Variants in ZNF407 observed in about 807,000 individuals in gnomAD.
ZNF407 encodes zinc finger protein 407.
A neutral mutation model predicts 131.2 loss-of-function variants in ZNF407; 17 were observed. The ratio of observed to expected loss-of-function variants is 0.13; its 90% CI spans 0.09 to 0.19. The LOEUF (loss-of-function observed/expected upper bound fraction) is 0.19, where lower values mean the gene tolerates loss of function less well. ZNF407 is among the 10% of genes least tolerant of loss of function. The pLI is 1.00. For synonymous variants in ZNF407, 1,156 were observed against 1,062.0 expected (o/e 1.09, Z -1.72); for missense variants, 2,681 against 2,830.6 (o/e 0.95, Z 1.20).
chr18:74,814,791 G>A (rs766310643), intron 4 of ZNF407, among the ~76,000 whole-genome samples: 1 of 151,948 alleles, frequency 6.6e-6, no homozygotes, highest in East Asian at 1.9e-4. Flanking sequence ...TTATTCTTGT[G>A]TATTTGTTAG....
At chr18:74,698,768 T>G (rs1023188653) in intron 3 of ZNF407, among the ~76,000 whole-genome samples, 4 of 152,148 alleles carry the variant, frequency 2.6e-5, no homozygotes, top group African/African-American at 4.8e-5. Context: ...GCCCAAAGTT[T>G]CTTGAGGTCA....
chr18:74,834,989 G>A (rs927373678), intron 4 of ZNF407, among the ~76,000 whole-genome samples: 2 of 152,178 alleles, frequency 1.3e-5, no homozygotes, highest in African/African-American at 4.8e-5. Context: ...CAGAGTTGAG[G>A]ATGATAACCT....
At chr18:74,776,475 T>A (rs2145013740) in intron 3 of ZNF407, among the ~76,000 whole-genome samples, 1 of 152,308 alleles carries the variant, frequency 6.6e-6, no homozygotes, top group East Asian at 1.9e-4. Context: ...ACTATGCAGA[T>A]CTCCTATTTC....
At chr18:74,891,791 C>T (rs1037323259) in intron 7 of ZNF407, among the ~76,000 whole-genome samples, 6 of 152,128 alleles carry the variant, frequency 3.9e-5, no homozygotes, top group Admixed American at 1.3e-4. Context: ...TAGAAAATTA[C>T]AAGAATTTCC....
chr18:74,886,418 G>A lies in ZNF407; in HGVS notation c.5129-3500G>A, dbSNP rs202218814. 9.5e-3 allele frequency among the ~76,000 whole-genome samples: 48 copies of A among 5,060 alleles called. 1 individual carries two copies. Among genetic ancestry groups the A allele is most frequent in the Admixed American group, 0.018 (4 of 218 alleles). 3.3% of individuals were successfully genotyped at this position (5,060 alleles called of 152,430 possible). ...CTATCATACTCCAGGATTTACCCAAGGGATGTTCATATAATGACTGCATAT... is the reference window on the plus strand; with the variant it reads ...CTATCATACTCCAGGATTTACCCAAAGGATGTTCATATAATGACTGCATAT... On this transcript the variant is annotated intron_variant, in intron 6 of 8. Transcript: ENST00000299687.
At chr18:74,714,722 T>C (rs866616824) in intron 3 of ZNF407, among the ~76,000 whole-genome samples, 97 of 152,312 alleles carry the variant, frequency 6.4e-4, no homozygotes, top group African/African-American at 2.0e-3. Flanking sequence ...GGTTGAACAA[T>C]ATTCACCACC....
chr18:75,022,974 C>T (rs59888806), intron 8 of ZNF407, among the ~76,000 whole-genome samples: 22,985 of 152,168 alleles, frequency 0.15, 1,940 homozygotes, highest in Admixed American at 0.27. Context: ...ATGTGATGCA[C>T]GTACACCGTG....
chr18:74,989,900 T>C (rs1018399324), intron 8 of ZNF407, among the ~76,000 whole-genome samples: 7 of 152,162 alleles, frequency 4.6e-5, no homozygotes, highest in Non-Finnish European at 1.0e-4. Flanking sequence ...TTGATGCTTT[T>C]CTGTGATAAT....
intron 8 of ZNF407, among the ~76,000 whole-genome samples, chr18:75,028,090 G>T (rs566335585): frequency 6.6e-6 from 1 of 152,300 alleles, no homozygotes; most frequent in South Asian, 2.1e-4. Context: ...ATTCAAAACT[G>T]TGTTTTCTTT....
At chr18:74,906,428 T>C (rs1159341208) in intron 7 of ZNF407, among the ~76,000 whole-genome samples, 1 of 152,250 alleles carries the variant, frequency 6.6e-6, no homozygotes, top group African/African-American at 2.4e-5. Flanking sequence ...GCTGCTCTGC[T>C]GTGGTTTGTC....
chr18:74,753,292 T>C (rs968124813), intron 3 of ZNF407, among the ~76,000 whole-genome samples: 2 of 152,004 alleles, frequency 1.3e-5, no homozygotes, highest in Non-Finnish European at 2.9e-5. Flanking sequence ...TATACAATCA[T>C]GTCATCTGCA....
intron 8 of ZNF407, chr18:75,061,321 G>A (rs1306710417): frequency 6.6e-6 from 1 of 152,176 alleles, no homozygotes; most frequent in Non-Finnish European, 1.5e-5. Flanking sequence ...TATTTAGGAG[G>A]GATGGAGTCG....
chr18:74,794,413 A>AT (rs369175320), intron 4 of ZNF407, among the ~76,000 whole-genome samples: 1,491 of 146,810 alleles, frequency 0.01, 23 homozygotes, highest in African/African-American at 0.03. Flanking sequence ...GGGTCACATA[A>AT]TTTTTTTTTT....
chr18:75,015,122 A>C (rs1420143224), intron 8 of ZNF407, among the ~76,000 whole-genome samples: 1 of 152,120 alleles, frequency 6.6e-6, no homozygotes, highest in Non-Finnish European at 1.5e-5. Context: ...ATAGTGTGAA[A>C]GGGATATAAT....
In ZNF407 at chr18:74,811,762, A is replaced by G. The variant is rs1369641062; in HGVS notation, c.4877+30260A>G. On this transcript the variant is annotated intron_variant, in intron 4 of 8. Coordinates refer to ENST00000299687, the MANE Select transcript of ZNF407 (RefSeq NM_017757.3). The stretch of plus-strand genomic sequence containing the variant: ...AATTGGAAATCATCATTCTCAGTAA[A>G]CTATTGCAAGAGCAAAAAACCAAAC... Among the ~76,000 whole-genome samples, 7 of 152,076 alleles carry G rather than the reference A, an allele frequency of 4.6e-5. No homozygotes were observed. The East Asian group carries it at 1.2e-3, about 25-fold the overall frequency.
At chr18:74,756,203 T>C (rs899981728) in intron 3 of ZNF407, among the ~76,000 whole-genome samples, 2 of 152,094 alleles carry the variant, frequency 1.3e-5, no homozygotes, top group African/African-American at 4.8e-5. Context: ...TATATTTCAT[T>C]TTTATGCTAT....
chr18:74,751,068 A>G (rs941068778), intron 3 of ZNF407, among the ~76,000 whole-genome samples: 2 of 151,700 alleles, frequency 1.3e-5, no homozygotes, highest in Non-Finnish European at 1.5e-5. Context: ...TTTATTCTGG[A>G]TATTGTCTTT....
At chr18:75,053,739 G>T (rs1258282069) in intron 8 of ZNF407, among the ~76,000 whole-genome samples, 1 of 152,184 alleles carries the variant, frequency 6.6e-6, no homozygotes, top group Non-Finnish European at 1.5e-5. Context: ...CGTCCAGTCC[G>T]CCCACTCGGT....
chr18:74,700,049 C>G (rs1427794266), intron 3 of ZNF407, among the ~76,000 whole-genome samples: 2 of 152,148 alleles, frequency 1.3e-5, no homozygotes, highest in Non-Finnish European at 2.9e-5. Flanking sequence ...TAAAAAAACA[C>G]TTCAAACTTG....
Sources: gnomAD v4.1 joint callset for allele counts (sites outside exome capture counted in the v4.1 genomes callset) on GRCh38, gnomAD v4.1.1 for gene constraint, MANE v1.5 for transcripts, NCBI Gene and HGNC (gene_info 2026-07-23, HGNC 2026-07-21) for gene names.